Variants in PRKCH observed in about 807,000 individuals in gnomAD.
PRKCH encodes protein kinase C eta.
Under a neutral mutation model 82.5 loss-of-function variants are expected in PRKCH, and 28 were observed. The ratio of observed to expected loss-of-function variants is 0.34; its 90% CI spans 0.25 to 0.47. The LOEUF is 0.47. Ranked by LOEUF, PRKCH falls within the 20% of genes least tolerant of loss-of-function variation. PRKCH has a pLI of 1.00. For synonymous variants in PRKCH, 322 were observed against 327.4 expected (o/e 0.98, Z 0.18); for missense variants, 705 against 881.8 (o/e 0.80, Z 2.54).
chr14:61,340,410 T>C (rs968096741), intron 1 of PRKCH, among the ~76,000 whole-genome samples: 8 of 150,926 alleles, frequency 5.3e-5, no homozygotes, highest in African/African-American at 2.0e-4. Flanking sequence ...TGGGAGGTGG[T>C]TTGTCTTTAC....
At chr14:61,278,316 T>C (rs1220381241) in intron 1 of PRKCH, 1 of 152,200 alleles carries the variant, frequency 6.6e-6, no homozygotes, top group African/African-American at 2.4e-5. Flanking sequence ...AATAAAATTG[T>C]GTCGTGTTCA....
chr14:61,448,127 G>T (rs996535837), intron 4 of PRKCH, among the ~76,000 whole-genome samples: 1 of 152,146 alleles, frequency 6.6e-6, no homozygotes, highest in South Asian at 2.1e-4. Context: ...CATATAAAAA[G>T]ACCAGTTCTC....
intron 1 of PRKCH, among the ~76,000 whole-genome samples, chr14:61,387,303 A>T (rs2046602469): frequency 6.6e-6 from 1 of 152,228 alleles, no homozygotes; most frequent in South Asian, 2.1e-4. Flanking sequence ...CAGTGCTCTG[A>T]TCTGCTAGGC....
At chr14:61,386,438 C>T (rs973688808) in intron 1 of PRKCH, among the ~76,000 whole-genome samples, 2 of 152,128 alleles carry the variant, frequency 1.3e-5, no homozygotes, top group East Asian at 1.9e-4. Flanking sequence ...AGATGAACCA[C>T]GGCAGTAGGA....
chr14:61,210,291 G>C (rs889151104), intron 1 of PRKCH, among the ~76,000 whole-genome samples: 2 of 151,604 alleles, frequency 1.3e-5, no homozygotes, highest in African/African-American at 4.8e-5. Context: ...TCCAGCCTGA[G>C]TGACAGAGCT....
intron 1 of PRKCH, among the ~76,000 whole-genome samples, chr14:61,271,098 C>G (rs142964498): frequency 5.1e-4 from 78 of 152,300 alleles, no homozygotes; most frequent in African/African-American, 1.7e-3. Flanking sequence ...AGAGTGTATA[C>G]AATGTGTGCA....
At chr14:61,197,007 T>C (rs1458069595) in intron 1 of PRKCH, among the ~76,000 whole-genome samples, 1 of 152,110 alleles carries the variant, frequency 6.6e-6, no homozygotes, top group Non-Finnish European at 1.5e-5. Flanking sequence ...AGAGGATAAA[T>C]ACAGGAGACA....
At chr14:61,217,064 A>C (rs1166175435) in intron 1 of PRKCH, among the ~76,000 whole-genome samples, 1 of 152,178 alleles carries the variant, frequency 6.6e-6, no homozygotes, top group Non-Finnish European at 1.5e-5. Context: ...CCCTTTACTA[A>C]AAGTGAGCTG....
At chr14:61,342,712 C>T (rs1434386927) in intron 1 of PRKCH, among the ~76,000 whole-genome samples, 1 of 152,212 alleles carries the variant, frequency 6.6e-6, no homozygotes, top group Non-Finnish European at 1.5e-5. Context: ...ACTGAAAATG[C>T]AACAGATCTT....
At chr14:61,489,618 CAAG>C (rs1405636621) in intron 10 of PRKCH, among the ~76,000 whole-genome samples, 3 of 152,180 alleles carry the variant, frequency 2.0e-5, no homozygotes, top group Admixed American at 2.0e-4. Flanking sequence ...GCCCAGAAAC[CAAG>C]AAGAGTAGGC....
intron 1 of PRKCH, among the ~76,000 whole-genome samples, chr14:61,372,819 G>A (rs2046379761): frequency 6.6e-6 from 1 of 151,972 alleles, no homozygotes; most frequent in South Asian, 2.1e-4. Context: ...CAAGTTCTGT[G>A]TGCTATAAAG....
At chr14:61,448,374 GA>G (rs1475936049) in intron 4 of PRKCH, among the ~76,000 whole-genome samples, 1 of 152,132 alleles carries the variant, frequency 6.6e-6, no homozygotes, top group Non-Finnish European at 1.5e-5. Context: ...AGATGAGAAT[GA>G]AAAAAATGTT....
At chr14:61,530,345 T>C in intron 11 of PRKCH, 62 bp from the exon 12 acceptor site, 4 of 1,416,550 alleles carry the variant, frequency 2.8e-6, no homozygotes, top group Non-Finnish European at 3.7e-6. Context: ...TCCCTAGTTA[T>C]GAAGAACACA....
intron 2 of PRKCH, among the ~76,000 whole-genome samples, chr14:61,422,342 G>T (rs1270898862): frequency 6.6e-6 from 1 of 152,172 alleles, no homozygotes; most frequent in Non-Finnish European, 1.5e-5. Flanking sequence ...CTCCTGCCAT[G>T]GCCTTACAAA....
chr14:61,423,747 T>C (rs544297468), intron 2 of PRKCH, among the ~76,000 whole-genome samples: 1 of 152,298 alleles, frequency 6.6e-6, no homozygotes, highest in Admixed American at 6.5e-5. Context: ...GGGGCTATAA[T>C]ACAGTTGGGG....
intron 1 of PRKCH, among the ~76,000 whole-genome samples, chr14:61,362,312 G>C (rs567607849): frequency 1.6e-4 from 23 of 142,398 alleles, no homozygotes; most frequent in Admixed American, 4.4e-4. Context: ...CTGCATTCCA[G>C]ACTGGGCGAC....
chr14:61,343,013 C>A (rs1475370494), intron 1 of PRKCH, among the ~76,000 whole-genome samples: 1 of 152,204 alleles, frequency 6.6e-6, no homozygotes, highest in Admixed American at 6.5e-5. Context: ...CTCCATGGAT[C>A]CGATATTGTT....
intron 1 of PRKCH, among the ~76,000 whole-genome samples, chr14:61,324,566 A>G (rs1315582941): frequency 6.6e-6 from 1 of 152,162 alleles, no homozygotes; most frequent in East Asian, 1.9e-4. Context: ...TGTTAAAAAA[A>G]TTTGGAAATA....
At chr14:61,207,106 CAAAAAAAAAAAAAAAAA>C (rs71114196) in intron 1 of PRKCH, among the ~76,000 whole-genome samples, 3 of 49,158 alleles carry the variant, frequency 6.1e-5, no homozygotes, top group Middle Eastern at 0.015. Context: ...AACTCCATCT[CAAAAAAAAAAAAAAAAA>C]AAAAAAAAAA....
Sources: gnomAD v4.1 joint callset for allele counts (sites outside exome capture counted in the v4.1 genomes callset) on GRCh38, gnomAD v4.1.1 for gene constraint, MANE v1.5 for transcripts, NCBI Gene and HGNC (gene_info 2026-07-23, HGNC 2026-07-21) for gene names.